The following PALS1 variants were observed in gnomAD, a reference collection of about 807,000 sequenced individuals.
PALS1 encodes the protein protein associated with LIN7 1, MAGUK p55 family member.
A neutral mutation model predicts 78.9 loss-of-function variants in PALS1; 31 were observed. The observed-to-expected ratio is 0.39, with a 90% CI of 0.30 to 0.53. The LOEUF (loss-of-function observed/expected upper bound fraction) is 0.53, where lower values mean the gene tolerates loss of function less well. PALS1 is among the 20% of genes least tolerant of loss of function. The pLI is 0.67. For synonymous variants in PALS1, 276 were observed against 270.9 expected, an observed-to-expected ratio of 1.02 and a Z score of -0.18; for missense variants, 704 against 826.5, an observed-to-expected ratio of 0.85 and a Z score of 1.82.
At chr14:67,286,929 C>T (rs866143223) in intron 3 of PALS1, among the ~76,000 whole-genome samples, 12 of 146,274 alleles carry the variant, frequency 8.2e-5, no homozygotes, top group African/African-American at 3.0e-4. Context: ...AAAAATGTAC[C>T]CTTTATGGCT....
Position 67,283,890 on chromosome 14 carries a change from G to A in PALS1, c.367+4353G>A, listed in dbSNP as rs75188846. The stretch of plus-strand genomic sequence containing the variant: ...GGTTTTAAAACTTATTTCTGCCTGC[G>A]AAGATTTGCTTCGTTGTCTTACGGC... On this transcript the variant is annotated intron_variant, in intron 3 of 14. Coordinates refer to ENST00000261681, the MANE Select transcript of PALS1 (RefSeq NM_022474.4). Among the ~76,000 whole-genome samples, 1,021 of 152,266 alleles carry A rather than the reference G, an allele frequency of 6.7e-3. 12 individuals are homozygous for A. Among genetic ancestry groups the A allele is most frequent in the South Asian group, 0.031 (149 of 4,824 alleles).
intron 14 of PALS1, among the ~76,000 whole-genome samples, chr14:67,327,435 C>CT (rs201918032): frequency 2.2e-4 from 32 of 145,554 alleles, no homozygotes; most frequent in Admixed American, 3.4e-4. Flanking sequence ...GGACGGATCA[C>CT]TTTTTTTTTT....
At position 67,320,357 on chromosome 14, in the gene PALS1, C is replaced by G; in HGVS notation, c.1497C>G (p.Leu499=). The change falls in exon 12 of 15, where the codon CTC becomes CTG. Residue 499 remains leucine (L), a synonymous_variant. Coordinates refer to ENST00000261681, the MANE Select transcript of PALS1 (RefSeq NM_022474.4). ...GCCAGAATGAATTGCGTCAGAGGCT[C>G]ATGAACAAAGAAAAGGACCGCTTTG... ...NCGQNELRQR[L]MNKEKDRFAS... 2 of 1,611,928 alleles carry G rather than the reference C, an allele frequency of 1.2e-6. No homozygotes were observed. The highest frequency in any genetic ancestry group is 8.5e-7 in the Non-Finnish European group (1 of 1,179,224).
intron 2 of PALS1, chr14:67,271,571 C>T (rs2084407324): frequency 6.6e-6 from 1 of 152,170 alleles, no homozygotes; most frequent in Non-Finnish European, 1.5e-5. Flanking sequence ...TGAGCTCAGA[C>T]TTAAAAGAGT....
chr14:67,258,858 T>C (rs1157404899), intron 1 of PALS1, among the ~76,000 whole-genome samples: 1 of 152,172 alleles, frequency 6.6e-6, no homozygotes, highest in Non-Finnish European at 1.5e-5. Context: ...TAACCTTCTT[T>C]TGAGATGGAG....
At chr14:67,330,727 G>A (rs1034151524) in intron 14 of PALS1, among the ~76,000 whole-genome samples, 8 of 149,122 alleles carry the variant, frequency 5.4e-5, no homozygotes, top group African/African-American at 2.0e-4. Context: ...CAAAGTGCTG[G>A]GATTATGGGC....
intron 1 of PALS1, among the ~76,000 whole-genome samples, chr14:67,251,887 G>C (rs2084069705): frequency 1.3e-5 from 2 of 152,208 alleles, no homozygotes; most frequent in African/African-American, 4.8e-5. Flanking sequence ...CAACCTCTGG[G>C]AAGGCAAAGA....
At position 67,258,636 on chromosome 14, in the gene PALS1, G is replaced by A. The variant is rs775980176; in HGVS notation, c.-236-11065G>A. Among the ~76,000 whole-genome samples, 5 of 152,186 alleles carry A rather than the reference G, an allele frequency of 3.3e-5. No homozygotes were observed. In the South Asian group the frequency reaches 8.3e-4, roughly 25 times the overall value. ...GAGGTTTCACTATCTTGCCCAGGCCGGTCTTGAACTCCTGGACTCAAGTGA... is the reference window on the plus strand; with the variant it reads ...GAGGTTTCACTATCTTGCCCAGGCCAGTCTTGAACTCCTGGACTCAAGTGA... On this transcript the variant is annotated intron_variant, in intron 1 of 14. Transcript: ENST00000261681.
At chr14:67,330,156 T>TAA (rs201414021) in intron 14 of PALS1, among the ~76,000 whole-genome samples, 1,621 of 139,232 alleles carry the variant, frequency 0.012, 18 homozygotes, top group Middle Eastern at 0.019. Context: ...ATAATAATAA[T>TAA]TATTATTATT....
intron 2 of PALS1, among the ~76,000 whole-genome samples, chr14:67,275,497 C>T (rs554105238): frequency 4.5e-4 from 69 of 152,196 alleles, no homozygotes; most frequent in African/African-American, 1.5e-3. Flanking sequence ...ATAAGCTTTT[C>T]GATGTGCTGC....
intron 13 of PALS1, among the ~76,000 whole-genome samples, chr14:67,323,232 C>CATGTGTGTGTGTGTGTGTGTGTGT (rs57594216): frequency 1.4e-5 from 2 of 143,592 alleles, no homozygotes; most frequent in African/African-American, 5.2e-5. Context: ...CATATATACA[C>CATGTGTGTGTGTGTGTGTGTGTGT]GTGTGTGTGT....
intron 1 of PALS1, among the ~76,000 whole-genome samples, chr14:67,262,530 T>G (rs2084254843): frequency 6.6e-6 from 1 of 152,170 alleles, no homozygotes; most frequent in Non-Finnish European, 1.5e-5. Context: ...AGTGATCACT[T>G]TTCATTCCTT....
intron 14 of PALS1, among the ~76,000 whole-genome samples, chr14:67,324,398 C>T (rs1364088000): frequency 1.3e-5 from 2 of 152,132 alleles, no homozygotes; most frequent in Non-Finnish European, 2.9e-5. Context: ...AGGTGACTTA[C>T]TGTATCAGAG....
chr14:67,303,407 T>C, intron 7 of PALS1, 115 bp from the exon 8 acceptor site: 2 of 744,928 alleles, frequency 2.7e-6, no homozygotes. Flanking sequence ...CTGCTGGTCA[T>C]TTAAGTCTGT....
intron 4 of PALS1, among the ~76,000 whole-genome samples, chr14:67,295,346 T>A (rs1217451862): frequency 6.6e-6 from 1 of 151,714 alleles, no homozygotes; most frequent in African/African-American, 2.4e-5. Flanking sequence ...AAAAATTAGC[T>A]GGCTGTAGTG....
At chr14:67,268,027 A>G (rs188699399) in intron 1 of PALS1, among the ~76,000 whole-genome samples, 5 of 152,260 alleles carry the variant, frequency 3.3e-5, no homozygotes, top group East Asian at 3.9e-4. Flanking sequence ...TATTGCTCCT[A>G]TGCATACTCA....
intron 14 of PALS1, among the ~76,000 whole-genome samples, chr14:67,329,421 A>G (rs1230069961): frequency 6.6e-6 from 1 of 152,218 alleles, no homozygotes; most frequent in Admixed American, 6.5e-5. Context: ...TGTCATCTGC[A>G]AACAGGGATA....
chr14:67,267,512 A>G (rs956910965), intron 1 of PALS1, among the ~76,000 whole-genome samples: 6 of 151,708 alleles, frequency 4.0e-5, no homozygotes, highest in Non-Finnish European at 5.9e-5. Flanking sequence ...TGGCCTCCCA[A>G]AGTGCTGGGA....
At chr14:67,298,312 G>C (rs1045053357) in intron 4 of PALS1, among the ~76,000 whole-genome samples, 1 of 151,984 alleles carries the variant, frequency 6.6e-6, no homozygotes, top group Non-Finnish European at 1.5e-5. Context: ...TCAGGAGTTC[G>C]AGACTAGTCT....
Sources: allele counts gnomAD v4.1 joint callset (sites outside exome capture counted in the v4.1 genomes callset), GRCh38; gene constraint gnomAD v4.1.1; transcripts MANE v1.5; gene names NCBI Gene and HGNC (gene_info 2026-07-23, HGNC 2026-07-21).